Variants in GRM7 observed in about 807,000 individuals in gnomAD.
GRM7 encodes glutamate metabotropic receptor 7, also known as metabotropic glutamate receptor 7.
In GRM7, 35 loss-of-function variants were observed where a neutral mutation model predicts 84.5. That is an observed-to-expected ratio of 0.41 (90% CI 0.32 to 0.55). GRM7 has a LOEUF of 0.55. Ranked by LOEUF, GRM7 falls within the 20% of genes least tolerant of loss-of-function variation. The probability of loss-of-function intolerance (pLI) is 0.19; values close to 1 mark genes in which losing one functional copy is unlikely to be tolerated. For missense variants in GRM7, 1,003 were observed against 1,194.6 expected (o/e 0.84, Z 2.36); for synonymous variants, 487 against 455.1 (o/e 1.07, Z -0.89).
At chr3:7,029,552 T>C (rs1696113268) in intron 1 of GRM7, among the ~76,000 whole-genome samples, 2 of 152,176 alleles carry the variant, frequency 1.3e-5, no homozygotes, top group Admixed American at 1.3e-4. Context: ...TGAGCCATGC[T>C]ACAACACAAA....
At chr3:7,532,471 C>T (rs2125005990) in intron 7 of GRM7, among the ~76,000 whole-genome samples, 1 of 152,142 alleles carries the variant, frequency 6.6e-6, no homozygotes, top group Non-Finnish European at 1.5e-5. Context: ...GTGATACCCC[C>T]TTTATTATTT....
intron 7 of GRM7, among the ~76,000 whole-genome samples, chr3:7,476,865 G>A (rs184425492): frequency 5.9e-5 from 9 of 152,242 alleles, no homozygotes; most frequent in African/African-American, 1.7e-4. Context: ...CACACCATCT[G>A]AAATGCAATA....
chr3:7,545,503 CAA>C (rs1693105375), intron 7 of GRM7, among the ~76,000 whole-genome samples: 1 of 152,184 alleles, frequency 6.6e-6, no homozygotes, highest in African/African-American at 2.4e-5. Flanking sequence ...CCTCTGTAGG[CAA>C]AAGAGAAAGC....
At chr3:7,404,092 T>A (rs1171237051) in intron 4 of GRM7, among the ~76,000 whole-genome samples, 2 of 152,158 alleles carry the variant, frequency 1.3e-5, no homozygotes, top group Non-Finnish European at 2.9e-5. Flanking sequence ...AAACGTAATT[T>A]AAAAAATTCT....
At chr3:7,251,806 T>C (rs1269792138) in intron 2 of GRM7, among the ~76,000 whole-genome samples, 2 of 152,242 alleles carry the variant, frequency 1.3e-5, no homozygotes, top group Non-Finnish European at 2.9e-5. Flanking sequence ...GCAACTGGGA[T>C]TTAAGGTATT....
At position 7,216,410 on chromosome 3, in the gene GRM7, A is replaced by G. The variant is rs1389490660; in HGVS notation, c.736+69742A>G. Among the ~76,000 whole-genome samples, 5 of 152,158 alleles carry G rather than the reference A, an allele frequency of 3.3e-5. No individual in the cohort carries two copies. In the East Asian group the frequency reaches 5.8e-4, roughly 18 times the overall value. On this transcript the variant is annotated intron_variant, in intron 2 of 9. Coordinates refer to ENST00000357716, the MANE Select transcript of GRM7 (RefSeq NM_000844.4). ...TATCTGTGATAGGCTTTAAGGGGAGATTTTAAAACATATTTTATAATTCTC... is the reference window on the plus strand; with the variant it reads ...TATCTGTGATAGGCTTTAAGGGGAGGTTTTAAAACATATTTTATAATTCTC...
At chr3:7,734,584 T>A (rs9822675) in intron 9 of GRM7, among the ~76,000 whole-genome samples, 13,535 of 152,220 alleles carry the variant, frequency 0.089, 1,754 homozygotes, top group African/African-American at 0.28. Context: ...TTATGGTGAT[T>A]TGAAATACTG....
At chr3:6,993,221 C>T (rs1694709992) in intron 1 of GRM7, among the ~76,000 whole-genome samples, 1 of 152,126 alleles carries the variant, frequency 6.6e-6, no homozygotes, top group South Asian at 2.1e-4. Flanking sequence ...GGAAACGGCC[C>T]TCATGATTCA....
chr3:7,437,834 G>T (rs542620160), intron 5 of GRM7, among the ~76,000 whole-genome samples: 3 of 152,212 alleles, frequency 2.0e-5, no homozygotes, highest in African/African-American at 7.2e-5. Flanking sequence ...ATTGTACAGA[G>T]AGACCAAACT....
intron 2 of GRM7, among the ~76,000 whole-genome samples, chr3:7,236,943 G>A (rs772515138): frequency 2.0e-5 from 3 of 152,116 alleles, no homozygotes; most frequent in African/African-American, 2.4e-5. Context: ...TTATTTACTC[G>A]TTCTTTCTCA....
chr3:6,920,260 A>T (rs1412531743), intron 1 of GRM7, among the ~76,000 whole-genome samples: 1 of 152,312 alleles, frequency 6.6e-6, no homozygotes, highest in Admixed American at 6.5e-5. Flanking sequence ...ATTAACAAAA[A>T]TGATGATTGA....
intron 7 of GRM7, among the ~76,000 whole-genome samples, chr3:7,532,006 C>T (rs191216234): frequency 1.7e-4 from 26 of 151,878 alleles, no homozygotes; most frequent in Admixed American, 1.6e-3. Context: ...GCGCGTGCTG[C>T]TGGATTTGGT....
chr3:7,731,847 G>A (rs1161257444), intron 9 of GRM7, among the ~76,000 whole-genome samples: 1 of 152,068 alleles, frequency 6.6e-6, no homozygotes, highest in Non-Finnish European at 1.5e-5. Context: ...CCACCCAGAA[G>A]CAATTTAGTC....
At chr3:7,573,670 C>T (rs1187152996) in intron 7 of GRM7, among the ~76,000 whole-genome samples, 1 of 152,178 alleles carries the variant, frequency 6.6e-6, no homozygotes, top group East Asian at 1.9e-4. Flanking sequence ...AACATGTGTG[C>T]TAGAAAACTT....
intron 4 of GRM7, among the ~76,000 whole-genome samples, chr3:7,398,075 A>G (rs1018020778): frequency 6.6e-6 from 1 of 152,214 alleles, no homozygotes; most frequent in African/African-American, 2.4e-5. Flanking sequence ...CATAACTTCT[A>G]AAAGTTTTCA....
In GRM7 at chr3:7,621,029, C is replaced by T. The variant is rs550234029; in HGVS notation, c.2451+41672C>T. On this transcript the variant is annotated intron_variant, in intron 8 of 9. Transcript: ENST00000357716. ...TTAGCCCAACACAGATTTTCATCTC[C>T]TCCTTTTTATACTGTAGAAACGGGA... Among the ~76,000 whole-genome samples the T allele has an allele frequency of 4.6e-5, 7 of 152,198 alleles. No individual in the cohort carries two copies. In the South Asian group the frequency reaches 8.3e-4, roughly 18 times the overall value.
intron 1 of GRM7, among the ~76,000 whole-genome samples, chr3:7,121,333 TCATCCATCCATCCATCCATCCATCCATC>T (rs71307751): frequency 6.7e-6 from 1 of 149,450 alleles, no homozygotes; most frequent in Non-Finnish European, 1.5e-5. Flanking sequence ...ATCCATCTAT[TCATCCATCCATCCATCCATCCATCCATC>T]CATCCATCCA....
chr3:7,678,852 G>A lies in GRM7; in HGVS notation c.2452-1197G>A, dbSNP rs960696681. Among the ~76,000 whole-genome samples the A allele has an allele frequency of 9.2e-5, 14 of 152,184 alleles. 1 individual carries two copies. The highest frequency in any genetic ancestry group is 6.5e-4 in the Admixed American group (10 of 15,272). ...TGTCTGATGGAAATTTTTGTATAGC[G>A]ATAGGCTGTTTAACCAGTGAGTTAT... On this transcript the variant is annotated intron_variant, in intron 8 of 9. Coordinates refer to ENST00000357716, the MANE Select transcript of GRM7 (RefSeq NM_000844.4).
chr3:7,669,499 C>T (rs1699837503), intron 8 of GRM7, among the ~76,000 whole-genome samples: 2 of 152,130 alleles, frequency 1.3e-5, no homozygotes, highest in Non-Finnish European at 2.9e-5. Context: ...TTATCTTCAT[C>T]CAAAGTGTGG....
Sources: allele counts gnomAD v4.1 joint callset (sites outside exome capture counted in the v4.1 genomes callset), GRCh38; gene constraint gnomAD v4.1.1; transcripts MANE v1.5; gene names NCBI Gene and HGNC (gene_info 2026-07-23, HGNC 2026-07-21).